The following CELF2 variants were observed in gnomAD, a reference collection of about 807,000 sequenced individuals.
CELF2 encodes CUG triplet repeat RNA-binding protein 2.
A neutral mutation model predicts 62.6 loss-of-function variants in CELF2; 8 were observed. The ratio of observed to expected loss-of-function variants is 0.13; its 90% CI spans 0.07 to 0.23. The LOEUF is 0.23. Among genes scored for constraint, CELF2 ranks in the 10% least tolerant of loss-of-function variants. The probability of loss-of-function intolerance (pLI) is 1.00; values close to 1 mark genes in which losing one functional copy is unlikely to be tolerated. For synonymous variants in CELF2, 258 were observed against 250.0 expected, an observed-to-expected ratio of 1.03 and a Z score of -0.30; for missense variants, 333 against 671.0, an observed-to-expected ratio of 0.50 and a Z score of 5.56.
At chr10:10,656,801 G>A in the CELF2 span, among the ~76,000 whole-genome samples, 2 of 145,372 alleles carry the variant, frequency 1.4e-5, no homozygotes, top group Admixed American at 1.4e-4. Flanking sequence ...CAGCGCACCA[G>A]CATGGCACAT....
At chr10:10,540,036 A>T in the CELF2 span, among the ~76,000 whole-genome samples, 1 of 152,162 alleles carries the variant, frequency 6.6e-6, no homozygotes, top group Non-Finnish European at 1.5e-5. Context: ...TTTAAACCCC[A>T]GCTCTTTCCA....
Position 11,069,662 on chromosome 10 carries a change from G to A in CELF2, c.74+51499G>A, listed in dbSNP as rs187568655. Among the ~76,000 whole-genome samples, 173 of 152,286 alleles carry A rather than the reference G, an allele frequency of 1.1e-3. 1 individual carries two copies. Among genetic ancestry groups the A allele is most frequent in the African/African-American group, 3.7e-3 (152 of 41,548 alleles). ...GGACAAATGCAGGTGTGTATACAGA[G>A]GTGGTTAGAAGGAATATATGATGTA... is the stretch of plus-strand genomic sequence containing the variant. On this transcript the variant is annotated intron_variant, in intron 1 of 12. Coordinates refer to ENST00000633077, the MANE Select transcript of CELF2 (RefSeq NM_001326342.2).
chr10:10,636,499 G>A, the CELF2 span, among the ~76,000 whole-genome samples: 32 of 152,296 alleles, frequency 2.1e-4, no homozygotes, highest in East Asian at 6.2e-3. Flanking sequence ...GAAGAAGCCA[G>A]TGAGCTACAT....
intron 3 of CELF2, among the ~76,000 whole-genome samples, chr10:11,238,981 C>T (rs1048839362): frequency 6.6e-6 from 1 of 152,106 alleles, no homozygotes; most frequent in Non-Finnish European, 1.5e-5. Context: ...GCTGTACCTT[C>T]TCTTGTTTGG....
the CELF2 span, among the ~76,000 whole-genome samples, chr10:10,651,444 G>A: frequency 7.3e-6 from 1 of 137,748 alleles, no homozygotes; most frequent in South Asian, 2.9e-4. Flanking sequence ...AAAGACAGCA[G>A]TAACCTCTGC....
At chr10:11,235,531 C>T (rs946627729) in intron 3 of CELF2, among the ~76,000 whole-genome samples, 3 of 152,186 alleles carry the variant, frequency 2.0e-5, no homozygotes, top group Admixed American at 1.3e-4. Context: ...TGAACAATCT[C>T]ACACATTAGA....
rs2071454526 is a variant in CELF2 at position 11,177,045 on chromosome 10, G to A, written c.271+11363G>A. On this transcript the variant is annotated intron_variant, in intron 2 of 12. Coordinates refer to ENST00000633077, the MANE Select transcript of CELF2 (RefSeq NM_001326342.2). The surrounding 1 kb of genome is among the most constrained non-coding windows in gnomAD (Gnocchi z 4.8). ...CTGCACCCTTCCTGGAATCACCACT[G>A]GTTGCAGAAGCCTATATAGGGTGGC... is the stretch of plus-strand genomic sequence containing the variant. Among the ~76,000 whole-genome samples, 1 of 152,142 alleles carries A rather than the reference G, an allele frequency of 6.6e-6. No homozygotes were observed. Among genetic ancestry groups the A allele is most frequent in the South Asian group, 2.1e-4 (1 of 4,826 alleles).
the CELF2 span, among the ~76,000 whole-genome samples, chr10:10,680,709 C>G: frequency 1.3e-5 from 2 of 152,198 alleles, no homozygotes; most frequent in East Asian, 3.8e-4. Context: ...CTGGTGCAGT[C>G]CAAGAGGCCC....
At chr10:11,186,713 C>T (rs1298961205) in intron 2 of CELF2, among the ~76,000 whole-genome samples, 1 of 152,106 alleles carries the variant, frequency 6.6e-6, no homozygotes. Flanking sequence ...AGGAAATGTT[C>T]ATTGGAGCAT....
intron 1 of CELF2, among the ~76,000 whole-genome samples, chr10:10,851,744 A>G (rs1438613624): frequency 1.3e-5 from 2 of 152,194 alleles, no homozygotes; most frequent in African/African-American, 4.8e-5. Context: ...AACTCTCAAA[A>G]CTCAATAAGA....
At chr10:11,125,287 C>A (rs1227295904) in intron 1 of CELF2, among the ~76,000 whole-genome samples, 3 of 152,114 alleles carry the variant, frequency 2.0e-5, no homozygotes, top group Non-Finnish European at 4.4e-5. Context: ...AGTCAGTTCT[C>A]TTGTTGGCTG....
At position 11,318,219 on chromosome 10, in the gene CELF2, C is replaced by A. The variant is rs925209997; in HGVS notation, c.1097-2970C>A. 6 of 155,280 alleles carry A rather than the reference C, an allele frequency of 3.9e-5. No individual in the cohort carries two copies. The highest frequency in any genetic ancestry group is 8.5e-5 in the Non-Finnish European group (6 of 70,314). The allele number at this position is 155,280 out of a possible 1,614,324, so 9.6% of individuals were successfully genotyped here. A position where few individuals can be genotyped will look rare whatever the true frequency, so the allele number is the denominator to read the frequency against. On this transcript the variant is annotated intron_variant, in intron 10 of 12. Coordinates refer to ENST00000633077, the MANE Select transcript of CELF2 (RefSeq NM_001326342.2). This position sits in a 1 kb window ranked among gnomAD's most constrained non-coding sequence, Gnocchi z 5.4. ...CCAGGTTTTCAGCTACTTTTCCACC[C>A]TGGACCTAGGAACCACCCTCCCAGA...
rs1471276174 is a variant in CELF2, at chr10:11,207,304, T to G, written c.272-10121T>G. Among the ~76,000 whole-genome samples the G allele has an allele frequency of 6.6e-6, 1 of 152,174 alleles. No individual in the cohort carries two copies. The highest frequency in any genetic ancestry group is 1.5e-5 in the Non-Finnish European group (1 of 68,032). ...CAGAAAACAGGGAGCTTGCTAGTCT[T>G]CACGGGGTCATGGAAATAACAGAAG... On this transcript the variant is annotated intron_variant, in intron 2 of 12. Coordinates refer to ENST00000633077, the MANE Select transcript of CELF2 (RefSeq NM_001326342.2). This position sits in a 1 kb window ranked among gnomAD's most constrained non-coding sequence, Gnocchi z 4.1.
chr10:11,223,670 C>A lies in CELF2; in HGVS notation c.354+6163C>A, dbSNP rs1447562663. 2.0e-5 allele frequency among the ~76,000 whole-genome samples: 3 copies of A among 152,188 alleles called. No individual in the cohort carries two copies. The highest frequency in any genetic ancestry group is 4.1e-4 in the South Asian group (2 of 4,830). Reference sequence around the variant, plus strand: ...TCCTTGAGGGTGCAGAAGCTCCCTTCCCCCTGCAGGAGTCACAGCAGTATG... The same window carrying A: ...TCCTTGAGGGTGCAGAAGCTCCCTTACCCCTGCAGGAGTCACAGCAGTATG... On this transcript the variant is annotated intron_variant, in intron 3 of 12. Transcript: ENST00000633077. The surrounding 1 kb of genome is among the most constrained non-coding windows in gnomAD (Gnocchi z 5.1).
chr10:10,873,384 G>A (rs373079943), intron 1 of CELF2, among the ~76,000 whole-genome samples: 2 of 152,074 alleles, frequency 1.3e-5, no homozygotes, highest in East Asian at 3.9e-4. Context: ...TAGCCCTCGG[G>A]GTAACAGTAT....
At position 11,104,573 on chromosome 10, in the gene CELF2, C is replaced by T. The variant is rs372386703; in HGVS notation, c.75-60913C>T. Among the ~76,000 whole-genome samples, 109 of 152,162 alleles carry T rather than the reference C, an allele frequency of 7.2e-4. 2 individuals are homozygous for T. The East Asian group carries it at 0.014, about 20-fold the overall frequency. On this transcript the variant is annotated intron_variant, in intron 1 of 12. Coordinates refer to ENST00000633077, the MANE Select transcript of CELF2 (RefSeq NM_001326342.2). ...GGTGTGTGCCTATAGACCCAGCTAC[C>T]AGGGAGGCTGAGGTGGGAGGATGGA...
At chr10:10,883,359 G>A (rs7906953) in intron 1 of CELF2, among the ~76,000 whole-genome samples, 5,385 of 152,192 alleles carry the variant, frequency 0.035, 246 homozygotes, top group African/African-American at 0.1. Flanking sequence ...GAGAAGTACA[G>A]CATTTTTCGT....
At chr10:11,131,384 G>A (rs1418217230) in intron 1 of CELF2, among the ~76,000 whole-genome samples, 2 of 152,152 alleles carry the variant, frequency 1.3e-5, no homozygotes, top group African/African-American at 2.4e-5. Context: ...TAGGACTTCC[G>A]CCCAATGGTA....
chr10:10,758,035 T>C, the CELF2 span, among the ~76,000 whole-genome samples: 9 of 152,224 alleles, frequency 5.9e-5, no homozygotes, highest in Non-Finnish European at 1.0e-4. Context: ...AGCTGAATGA[T>C]ATTGACAGAC....
Sources: allele counts gnomAD v4.1 joint callset (sites outside exome capture counted in the v4.1 genomes callset), GRCh38; gene constraint gnomAD v4.1.1; non-coding constraint Gnocchi (gnomAD v3.1); transcripts MANE v1.5; gene names NCBI Gene and HGNC (gene_info 2026-07-23, HGNC 2026-07-21).